TRERF1: variants seen among roughly 807,000 people sequenced by gnomAD.
TRERF1 encodes transcriptional-regulating factor 1.
Under a neutral mutation model 122.9 loss-of-function variants are expected in TRERF1, and 27 were observed. The ratio of observed to expected loss-of-function variants is 0.22; its 90% CI spans 0.16 to 0.30. The LOEUF is 0.30. TRERF1 is among the 10% of genes least tolerant of loss of function. TRERF1 has a pLI of 1.00. For missense variants in TRERF1, 1,248 were observed against 1,560.3 expected, an observed-to-expected ratio of 0.80 and a Z score of 3.37; for synonymous variants, 636 against 641.7, an observed-to-expected ratio of 0.99 and a Z score of 0.13.
Position 42,236,095 on chromosome 6 carries a change from A to T in TRERF1, c.3066+110T>A, listed in dbSNP as rs150989248. On this transcript the variant is annotated intron_variant, in intron 16 of 17. Transcript: ENST00000372922. ...TGGCAACATGGAGCACCCTCTGCCA[A>T]ACTGTGACTGTTGGAAGAGCACTCT... 6.5e-4 allele frequency: 942 copies of T among 1,449,762 alleles called. 3 individuals are homozygous for T. The African/African-American group carries it at 0.011, about 17-fold the overall frequency. 89.8% of individuals were successfully genotyped at this position (1,449,762 alleles called of 1,614,324 possible).
intron 2 of TRERF1, among the ~76,000 whole-genome samples, chr6:42,384,017 T>C (rs1055726519): frequency 1.3e-5 from 2 of 151,678 alleles, no homozygotes; most frequent in Non-Finnish European, 2.9e-5. Context: ...GTCTCATTCA[T>C]TGATGGTTTC....
intron 2 of TRERF1, among the ~76,000 whole-genome samples, chr6:42,381,610 C>A (rs1251852244): frequency 6.6e-6 from 1 of 151,870 alleles, no homozygotes; most frequent in Non-Finnish European, 1.5e-5. Flanking sequence ...AGCCCACCAG[C>A]CCAGCCGTGA....
intron 13 of TRERF1, among the ~76,000 whole-genome samples, chr6:42,247,311 G>GTA (rs1477889010): frequency 6.6e-6 from 1 of 152,192 alleles, no homozygotes; most frequent in African/African-American, 2.4e-5. Flanking sequence ...TTTATTAGGT[G>GTA]TATATTACAA....
intron 3 of TRERF1, among the ~76,000 whole-genome samples, chr6:42,358,079 G>T (rs867979010): frequency 2.0e-5 from 3 of 152,212 alleles, no homozygotes; most frequent in Admixed American, 6.5e-5. Context: ...CTGCATATGT[G>T]GGGGGTTGGG....
Position 42,228,763 on chromosome 6 carries a change from T to A in TRERF1, c.3279-94A>T. ...CTACGGGGAATGGGGGTGTGTGGTC[T>A]GACAAAGTCCCTGGCTGCTCGGCTT... On this transcript the variant is annotated intron_variant, in intron 17 of 17. Transcript: ENST00000372922. This position sits in a 1 kb window ranked among gnomAD's most constrained non-coding sequence, Gnocchi z 4.2. The A allele has an allele frequency of 7.7e-7, 1 of 1,296,302 alleles. No individual in the cohort carries two copies. The highest frequency in any genetic ancestry group is 1.1e-6 in the Non-Finnish European group (1 of 945,628). The allele number at this position is 1,296,302 out of a possible 1,614,324, so 80.3% of individuals were successfully genotyped here. A position where few individuals can be genotyped will look rare whatever the true frequency, so the allele number is the denominator to read the frequency against.
Position 42,232,761 on chromosome 6 carries a change from C to T in TRERF1, c.3198G>A (p.Ser1066=), listed in dbSNP as rs774437302. The change falls in exon 17 of 18, where the codon TCG becomes TCA. Residue 1066 remains serine (S), a synonymous_variant. Transcript: ENST00000372922. The surrounding 1 kb of genome is among the most constrained non-coding windows in gnomAD (Gnocchi z 4.5). Reference sequence around the variant, plus strand: ...TGCTGTGAGAGGGTGAGCTCTTTACCGAACAGTACCCACTCTGGGTGCCAC... The same window carrying T: ...TGCTGTGAGAGGGTGAGCTCTTTACTGAACAGTACCCACTCTGGGTGCCAC... 3.8e-5 allele frequency: 62 copies of T among 1,612,226 alleles called. No individual in the cohort carries two copies. Among genetic ancestry groups the T allele is most frequent in the Admixed American group, 2.5e-4 (15 of 59,960 alleles).
intron 3 of TRERF1, among the ~76,000 whole-genome samples, chr6:42,335,594 T>C (rs1765999817): frequency 1.3e-5 from 2 of 152,086 alleles, no homozygotes. Context: ...TCAACATGAG[T>C]GCGGATGGGG....
chr6:42,256,315 A>G (rs1163558339), intron 12 of TRERF1, among the ~76,000 whole-genome samples: 1 of 152,100 alleles, frequency 6.6e-6, no homozygotes, highest in African/African-American at 2.4e-5. Flanking sequence ...AGAGTTCTAT[A>G]AACATCAAAC....
chr6:42,305,976 C>G (rs2150303608), intron 3 of TRERF1, among the ~76,000 whole-genome samples: 1 of 147,138 alleles, frequency 6.8e-6, no homozygotes, highest in African/African-American at 2.5e-5. Flanking sequence ...AACTCCCATT[C>G]TCTCTCCAAA....
intron 2 of TRERF1, among the ~76,000 whole-genome samples, chr6:42,438,188 C>T (rs939969486): frequency 4.6e-5 from 7 of 151,434 alleles, no homozygotes; most frequent in Admixed American, 1.3e-4. Context: ...TCCCAAAGTG[C>T]TGGGATTACA....
chr6:42,422,707 C>T (rs1289779240), intron 2 of TRERF1, among the ~76,000 whole-genome samples: 2 of 152,000 alleles, frequency 1.3e-5, no homozygotes, highest in Non-Finnish European at 2.9e-5. Context: ...CCCTTTCTGC[C>T]CAACTCCTTC....
intron 3 of TRERF1, among the ~76,000 whole-genome samples, chr6:42,358,384 T>C (rs994829982): frequency 6.6e-6 from 1 of 152,214 alleles, no homozygotes; most frequent in African/African-American, 2.4e-5. Context: ...CTTTAACTTA[T>C]AAATCCAATC....
chr6:42,283,200 T>TGAAATAA (rs1471740433), intron 4 of TRERF1, among the ~76,000 whole-genome samples: 4 of 152,122 alleles, frequency 2.6e-5, no homozygotes, highest in Non-Finnish European at 4.4e-5. Context: ...GCAGGAGAGC[T>TGAAATAA]GAAATAAGAA....
At chr6:42,249,217 A>G (rs1179891333) in intron 13 of TRERF1, among the ~76,000 whole-genome samples, 1 of 152,092 alleles carries the variant, frequency 6.6e-6, no homozygotes, top group African/African-American at 2.4e-5. Context: ...CCTCAACTAG[A>G]TCAATGATAA....
intron 3 of TRERF1, among the ~76,000 whole-genome samples, chr6:42,328,415 G>A (rs1418157192): frequency 6.6e-6 from 1 of 152,136 alleles, no homozygotes; most frequent in African/African-American, 2.4e-5. Context: ...GTGTCACGGA[G>A]GTTTGTTGTG....
intron 3 of TRERF1, among the ~76,000 whole-genome samples, chr6:42,344,669 G>T (rs1264883470): frequency 3.3e-5 from 5 of 152,104 alleles, no homozygotes; most frequent in Non-Finnish European, 7.4e-5. Context: ...AGCCCCAACT[G>T]CAGATCAACC....
intron 4 of TRERF1, among the ~76,000 whole-genome samples, chr6:42,299,970 C>G (rs1226465806): frequency 6.6e-6 from 1 of 152,210 alleles, no homozygotes; most frequent in African/African-American, 2.4e-5. Context: ...AACTAAAGCC[C>G]TTTCCAACAC....
intron 4 of TRERF1, among the ~76,000 whole-genome samples, chr6:42,296,815 C>T (rs138852741): frequency 1.8e-4 from 27 of 152,220 alleles, no homozygotes; most frequent in African/African-American, 6.0e-4. Flanking sequence ...GAGAAGCCCA[C>T]GGGATCTGGC....
At chr6:42,291,700 T>G (rs1784345205) in intron 4 of TRERF1, among the ~76,000 whole-genome samples, 1 of 144,582 alleles carries the variant, frequency 6.9e-6, no homozygotes, top group Non-Finnish European at 1.5e-5. Context: ...CGCCCGGCTG[T>G]TTTTTTTTTT....
Sources: allele counts gnomAD v4.1 joint callset (sites outside exome capture counted in the v4.1 genomes callset), GRCh38; gene constraint gnomAD v4.1.1; non-coding constraint Gnocchi (gnomAD v3.1); transcripts MANE v1.5; gene names NCBI Gene and HGNC (gene_info 2026-07-23, HGNC 2026-07-21).